AMBRA1: variants seen among roughly 807,000 people sequenced by gnomAD.
AMBRA1 encodes activating molecule in BECN1-regulated autophagy protein 1.
AMBRA1 carries 47 observed loss-of-function variants against 125.4 expected under a neutral mutation model. The ratio of observed to expected loss-of-function variants is 0.37; its 90% CI spans 0.30 to 0.48. The LOEUF (loss-of-function observed/expected upper bound fraction) is 0.48, where lower values mean the gene tolerates loss of function less well. Among genes scored for constraint, AMBRA1 ranks in the 20% least tolerant of loss-of-function variants. The pLI is 0.99. For synonymous variants in AMBRA1, 626 were observed against 655.5 expected (o/e 0.95, Z 0.69); for missense variants, 1,331 against 1,693.4 (o/e 0.79, Z 3.76).
At chr11:46,540,134 A>G (rs1305825220) in intron 7 of AMBRA1, among the ~76,000 whole-genome samples, 1 of 152,164 alleles carries the variant, frequency 6.6e-6, no homozygotes, top group Non-Finnish European at 1.5e-5. Context: ...GCCCGGCAGT[A>G]ACTGGTATCT....
chr11:46,542,518 T>C lies in AMBRA1; in HGVS notation c.1499A>G (p.Gln500Arg), dbSNP rs1952798381. The change falls in exon 7 of 18, where the codon CAG becomes CGG. Residue 500 changes from glutamine to arginine, a missense_variant. By Grantham distance (43) the Gln-to-Arg change is conservative. Transcript: ENST00000683756. This position sits in a 1 kb window ranked among gnomAD's most constrained non-coding sequence, Gnocchi z 5.9. ...CAGAAAGAAGCGTCTCAGGTCACACTGAAGCTCATGGCGAATGCTGCCCGA... is the reference window on the plus strand; with the variant it reads ...CAGAAAGAAGCGTCTCAGGTCACACCGAAGCTCATGGCGAATGCTGCCCGA... ...NNSGSIRHEL[Q>R]CDLRRFFLEY... 6.2e-7 allele frequency: 1 copy of C among 1,613,400 alleles called. No individual in the cohort carries two copies. The highest frequency in any genetic ancestry group is 8.5e-7 in the Non-Finnish European group (1 of 1,180,034).
chr11:46,483,554 A>T (rs1950154802), intron 11 of AMBRA1, among the ~76,000 whole-genome samples: 1 of 152,146 alleles, frequency 6.6e-6, no homozygotes, highest in African/African-American at 2.4e-5. Flanking sequence ...GGCTGCTTGG[A>T]GATAGGAAAA....
At chr11:46,588,537 A>C (rs2135341982) in intron 1 of AMBRA1, among the ~76,000 whole-genome samples, 1 of 152,066 alleles carries the variant, frequency 6.6e-6, no homozygotes, top group East Asian at 1.9e-4. Context: ...GCACTTTGGG[A>C]GGCCAAGGCA....
chr11:46,586,210 A>G (rs979152228), intron 1 of AMBRA1, among the ~76,000 whole-genome samples: 4 of 152,144 alleles, frequency 2.6e-5, no homozygotes, highest in African/African-American at 4.8e-5. Context: ...GTTCAACACA[A>G]GCCTGGCCAA....
At chr11:46,591,941 A>ATTTTT (rs1167665024) in intron 1 of AMBRA1, among the ~76,000 whole-genome samples, 35 of 115,136 alleles carry the variant, frequency 3.0e-4, no homozygotes, top group African/African-American at 1.1e-3. Flanking sequence ...CTCAAGACTG[A>ATTTTT]TTTTTTTTTT....
chr11:46,547,058 CAAA>C, intron 4 of AMBRA1, 52 bp downstream of exon 4: 2 of 1,107,960 alleles, frequency 1.8e-6, no homozygotes, highest in East Asian at 3.1e-5. Context: ...GACTCCGTCT[CAAA>C]AAAAAAAAAT....
At chr11:46,402,243 G>C (rs1318287766) in intron 17 of AMBRA1, among the ~76,000 whole-genome samples, 1 of 152,224 alleles carries the variant, frequency 6.6e-6, no homozygotes, top group Admixed American at 6.5e-5. Flanking sequence ...CACTGGGCGT[G>C]TATTTGTCAA....
At chr11:46,486,680 C>T (rs1201425424) in intron 11 of AMBRA1, among the ~76,000 whole-genome samples, 3 of 151,956 alleles carry the variant, frequency 2.0e-5, no homozygotes, top group Admixed American at 1.3e-4. Flanking sequence ...CCAAGGTGGG[C>T]GGATGACCTG....
intron 14 of AMBRA1, among the ~76,000 whole-genome samples, chr11:46,420,783 T>C (rs1374106747): frequency 6.6e-6 from 1 of 152,172 alleles, no homozygotes; most frequent in African/African-American, 2.4e-5. Flanking sequence ...GAGCCTGTGG[T>C]AGCTCTACAT....
At chr11:46,430,660 C>T (rs572122617) in intron 14 of AMBRA1, among the ~76,000 whole-genome samples, 1 of 152,306 alleles carries the variant, frequency 6.6e-6, no homozygotes, top group African/African-American at 2.4e-5. Flanking sequence ...AGAGATGTCA[C>T]TTAGTGCCAT....
In AMBRA1 at chr11:46,489,655, T is replaced by TG. The variant is rs567664810; in HGVS notation, c.2521+3952_2521+3953insC. Among the ~76,000 whole-genome samples, 4 of 152,182 alleles carry TG rather than the reference T, an allele frequency of 2.6e-5. No homozygotes were observed. In the South Asian group the frequency reaches 8.3e-4, roughly 32 times the overall value. Reference sequence around the variant, plus strand: ...ACATCTGCTAGGAGCAGATGCTCATTAGGATGAAAGTCAAAAAGATTATGC... The same window carrying TG: ...ACATCTGCTAGGAGCAGATGCTCATTGAGGATGAAAGTCAAAAAGATTATGC... On this transcript the variant is annotated intron_variant, in intron 11 of 17. Coordinates refer to ENST00000683756, the MANE Select transcript of AMBRA1 (RefSeq NM_001387011.1).
At chr11:46,500,277 C>A (rs1950787356) in intron 9 of AMBRA1, among the ~76,000 whole-genome samples, 1 of 152,050 alleles carries the variant, frequency 6.6e-6, no homozygotes, top group Non-Finnish European at 1.5e-5. Context: ...TAAAAAAGGA[C>A]TTAGCATTTT....
intron 11 of AMBRA1, among the ~76,000 whole-genome samples, chr11:46,460,099 C>A (rs941461142): frequency 2.6e-5 from 4 of 152,158 alleles, no homozygotes; most frequent in African/African-American, 9.7e-5. Context: ...AGAGAAGACA[C>A]CACATGTGTA....
chr11:46,489,582 A>G (rs1311583667), intron 11 of AMBRA1, among the ~76,000 whole-genome samples: 1 of 152,208 alleles, frequency 6.6e-6, no homozygotes, highest in Non-Finnish European at 1.5e-5. Context: ...AAACCCTGAC[A>G]CTTCCCATTG....
At chr11:46,426,487 C>A (rs1305430942) in intron 14 of AMBRA1, among the ~76,000 whole-genome samples, 1 of 152,212 alleles carries the variant, frequency 6.6e-6, no homozygotes, top group Non-Finnish European at 1.5e-5. Context: ...GCATAGACTG[C>A]ACTCTACTAA....
At chr11:46,503,106 T>C (rs909641925) in intron 9 of AMBRA1, among the ~76,000 whole-genome samples, 2 of 151,536 alleles carry the variant, frequency 1.3e-5, no homozygotes, top group East Asian at 3.9e-4. Context: ...TTGCTTTGTG[T>C]TCACAACTTG....
At chr11:46,591,716 C>T (rs1323649927) in intron 1 of AMBRA1, among the ~76,000 whole-genome samples, 3 of 151,544 alleles carry the variant, frequency 2.0e-5, no homozygotes, top group Non-Finnish European at 4.4e-5. Context: ...ATTAGCTGGG[C>T]GTGGTGGCGA....
chr11:46,502,312 C>T (rs1487366189), intron 9 of AMBRA1, among the ~76,000 whole-genome samples: 1 of 152,142 alleles, frequency 6.6e-6, no homozygotes, highest in African/African-American at 2.4e-5. Flanking sequence ...TGATTCCTAA[C>T]TGCTTTAAGC....
intron 9 of AMBRA1, among the ~76,000 whole-genome samples, chr11:46,497,122 A>C (rs1950662318): frequency 1.3e-5 from 2 of 151,950 alleles, no homozygotes; most frequent in South Asian, 4.1e-4. Flanking sequence ...AAAATAAATA[A>C]ATAAATAAAA....
Sources: allele counts gnomAD v4.1 joint callset (sites outside exome capture counted in the v4.1 genomes callset), GRCh38; gene constraint gnomAD v4.1.1; non-coding constraint Gnocchi (gnomAD v3.1); transcripts MANE v1.5; gene names NCBI Gene and HGNC (gene_info 2026-07-23, HGNC 2026-07-21).